DTNB: variants seen among roughly 807,000 people sequenced by gnomAD.
DTNB encodes dystrobrevin beta.
In DTNB, 63 loss-of-function variants were observed where a neutral mutation model predicts 90.7. The observed-to-expected ratio is 0.69, with a 90% CI of 0.57 to 0.86. The LOEUF (loss-of-function observed/expected upper bound fraction) is 0.86. Ranked by LOEUF, DTNB falls within the 40% of genes least tolerant of loss-of-function variation. DTNB has a pLI of 0.00. For synonymous variants in DTNB, 277 were observed against 286.7 expected (o/e 0.97, Z 0.34); for missense variants, 744 against 807.1 (o/e 0.92, Z 0.95).
intron 9 of DTNB, among the ~76,000 whole-genome samples, chr2:25,527,608 G>A (rs1345504981): frequency 6.6e-6 from 1 of 151,878 alleles, no homozygotes; most frequent in Non-Finnish European, 1.5e-5. Flanking sequence ...GACTTACAAA[G>A]ACAATAAAAT....
At chr2:25,604,206 A>C (rs80029008) in intron 5 of DTNB, among the ~76,000 whole-genome samples, 44,092 of 150,568 alleles carry the variant, frequency 0.29, 6,832 homozygotes, top group Non-Finnish European at 0.36. Context: ...ACCACCACCA[A>C]CAACAACAAA....
intron 16 of DTNB, among the ~76,000 whole-genome samples, chr2:25,400,155 A>G (rs2043359290): frequency 6.6e-6 from 1 of 152,200 alleles, no homozygotes. Context: ...CCTTCTAACT[A>G]AATAAGTACA....
At chr2:25,403,026 AGAT>A (rs2044145712) in intron 16 of DTNB, among the ~76,000 whole-genome samples, 1 of 152,264 alleles carries the variant, frequency 6.6e-6, no homozygotes, top group African/African-American at 2.4e-5. Flanking sequence ...GTAAACTTTT[AGAT>A]AGAGAAACTC....
chr2:25,660,328 A>G (rs964179034), intron 1 of DTNB, among the ~76,000 whole-genome samples: 3 of 152,218 alleles, frequency 2.0e-5, no homozygotes, highest in Non-Finnish European at 4.4e-5. Flanking sequence ...CCAGTCATAG[A>G]AGACCATGTA....
At chr2:25,612,296 T>C (rs1429324787) in intron 4 of DTNB, among the ~76,000 whole-genome samples, 5 of 152,078 alleles carry the variant, frequency 3.3e-5, no homozygotes, top group Admixed American at 6.5e-5. Context: ...ATCTAACAAC[T>C]ATGTTAAAAA....
Position 25,607,168 on chromosome 2 carries a change from T to G in DTNB, c.448+68A>C, listed in dbSNP as rs2067286433. The G allele has an allele frequency of 4.0e-6, 6 of 1,490,660 alleles. No individual in the cohort carries two copies. In the Admixed American group the frequency reaches 1.0e-4, roughly 25 times the overall value. The allele number at this position is 1,490,660 out of a possible 1,614,324, so 92.3% of individuals were successfully genotyped here. A position where few individuals can be genotyped will look rare whatever the true frequency, so the allele number is the denominator to read the frequency against. The stretch of plus-strand genomic sequence containing the variant: ...AGCTCAATATAACATCATTCAAAAT[T>G]CTGACAATATTCATTTAAAAGTCCT... On this transcript the variant is annotated intron_variant, in intron 5 of 20. Coordinates refer to ENST00000406818, the MANE Select transcript of DTNB (RefSeq NM_021907.5).
Position 25,535,462 on chromosome 2 carries a change from A to C in DTNB, c.877-3865T>G, listed in dbSNP as rs377477092. Among the ~76,000 whole-genome samples, 105 of 117,652 alleles carry C rather than the reference A, an allele frequency of 8.9e-4. 3 individuals carry two copies. Among genetic ancestry groups the C allele is most frequent in the African/African-American group, 3.3e-3 (97 of 29,592 alleles). 77.2% of individuals were successfully genotyped at this position (117,652 alleles called of 152,430 possible). A position where few individuals can be genotyped will look rare whatever the true frequency, so the allele number is the denominator to read the frequency against. On this transcript the variant is annotated intron_variant, in intron 8 of 20. Coordinates refer to ENST00000406818, the MANE Select transcript of DTNB (RefSeq NM_021907.5). ...TCCTCACCTCCCATTCGGGGCAGCC[A>C]GGCAGAGGCGCTCCCCACTTCCTCC...
chr2:25,392,104 C>T (rs1009673314), intron 16 of DTNB, among the ~76,000 whole-genome samples: 2 of 151,974 alleles, frequency 1.3e-5, no homozygotes, highest in Non-Finnish European at 2.9e-5. Context: ...ACACACAAAA[C>T]AATACAAAAG....
chr2:25,648,356 A>G (rs2079996106), intron 2 of DTNB, among the ~76,000 whole-genome samples: 1 of 152,240 alleles, frequency 6.6e-6, no homozygotes, highest in Admixed American at 6.5e-5. Flanking sequence ...AAGCAAAGAA[A>G]GAATAAGCTA....
intron 8 of DTNB, among the ~76,000 whole-genome samples, chr2:25,551,303 A>T (rs1287061698): frequency 1.3e-5 from 2 of 152,160 alleles, no homozygotes; most frequent in African/African-American, 4.8e-5. Flanking sequence ...CTATATTTAA[A>T]GTTTCCTGAT....
At position 25,455,436 on chromosome 2, in the gene DTNB, A is replaced by G. The variant is rs765299074; in HGVS notation, c.1138T>C (p.Ser380Pro). The part of the protein sequence containing the change: ...HLADEHALIA[S>P]YVARLQHCAR... ...CAGTGCTGCAGACGGGCCACATAGG[A>G]GGCTATCAGCGCATGCTCATCGGCC... Residue 380 changes from serine (S) to proline (P), a missense_variant, in exon 11 of 21, where the codon TCC becomes CCC. By Grantham distance (74) the Ser-to-Pro change is moderately conservative (BLOSUM62 -1). Transcript: ENST00000406818. 6.2e-7 allele frequency: 1 copy of G among 1,605,538 alleles called. No homozygotes were observed. Among genetic ancestry groups the G allele is most frequent in the South Asian group, 1.1e-5 (1 of 88,946 alleles).
intron 8 of DTNB, among the ~76,000 whole-genome samples, chr2:25,572,346 A>C (rs182877743): frequency 3.2e-3 from 485 of 152,192 alleles, no homozygotes; most frequent in African/African-American, 0.011. Context: ...GGGCACCTGC[A>C]GTCCTAGCAA....
At chr2:25,643,573 G>C (rs574334457) in intron 2 of DTNB, among the ~76,000 whole-genome samples, 1 of 152,240 alleles carries the variant, frequency 6.6e-6, no homozygotes, top group African/African-American at 2.4e-5. Context: ...ATAGAATTTT[G>C]GACATTAGCA....
chr2:25,457,962 T>C (rs1458693941), intron 10 of DTNB, among the ~76,000 whole-genome samples: 1 of 152,048 alleles, frequency 6.6e-6, no homozygotes, highest in Non-Finnish European at 1.5e-5. Flanking sequence ...GCCTCCCAAG[T>C]AGCTGGAACT....
At chr2:25,613,993 C>T (rs1276078863) in intron 4 of DTNB, among the ~76,000 whole-genome samples, 1 of 151,946 alleles carries the variant, frequency 6.6e-6, no homozygotes, top group Non-Finnish European at 1.5e-5. Flanking sequence ...AAATCACAAC[C>T]CAGGGAGCTT....
chr2:25,491,146 C>CACACACAG (rs1553453764), intron 9 of DTNB, among the ~76,000 whole-genome samples: 4 of 50,740 alleles, frequency 7.9e-5, no homozygotes, highest in African/African-American at 2.1e-4. Context: ...AGCACACACA[C>CACACACAG]ACACACACAC....
chr2:25,561,636 T>C (rs781144502), intron 8 of DTNB, among the ~76,000 whole-genome samples: 6 of 152,154 alleles, frequency 3.9e-5, no homozygotes, highest in African/African-American at 1.4e-4. Flanking sequence ...TGGTGATGAG[T>C]GAGTTCTCAG....
intron 19 of DTNB, among the ~76,000 whole-genome samples, chr2:25,381,526 T>C (rs778497494): frequency 2.5e-4 from 38 of 152,188 alleles, no homozygotes; most frequent in Non-Finnish European, 5.1e-4. Flanking sequence ...ACTACAGGTG[T>C]GCACTACCAC....
chr2:25,624,632 T>C (rs1281837213), intron 4 of DTNB, among the ~76,000 whole-genome samples: 1 of 152,190 alleles, frequency 6.6e-6, no homozygotes, highest in Non-Finnish European at 1.5e-5. Flanking sequence ...CTAAAGACAC[T>C]GGACTAACAC....
Sources: gnomAD v4.1 joint callset for allele counts (sites outside exome capture counted in the v4.1 genomes callset) on GRCh38, gnomAD v4.1.1 for gene constraint, MANE v1.5 for transcripts, NCBI Gene and HGNC (gene_info 2026-07-23, HGNC 2026-07-21) for gene names.